The following PFKFB2 variants were observed in gnomAD, a reference collection of about 807,000 sequenced individuals.
PFKFB2 encodes 6-phosphofructo-2-kinase/fructose-2,6-biphosphatase 2.
In PFKFB2, 53 loss-of-function variants were observed where a neutral mutation model predicts 68.0. That is an observed-to-expected ratio of 0.78 (90% CI 0.63 to 0.98). The LOEUF is 0.98. PFKFB2 is among the 50% of genes least tolerant of loss of function. The pLI, the probability that PFKFB2 is intolerant of heterozygous loss-of-function variation, is 0.00. For missense variants in PFKFB2, 451 were observed against 642.0 expected, an observed-to-expected ratio of 0.70 and a Z score of 3.22; for synonymous variants, 222 against 227.6, an observed-to-expected ratio of 0.98 and a Z score of 0.22.
upstream of PFKFB2, chr1:207,050,649 C>T (rs202149100): frequency 1.5e-4 from 247 of 1,606,506 alleles, no homozygotes; most frequent in African/African-American, 3.1e-3. Flanking sequence ...CCTCTCCATC[C>T]TCCCGGGACT....
At chr1:207,040,322 T>C (rs953702074) in intron 1 of PFKFB2, among the ~76,000 whole-genome samples, 3 of 152,210 alleles carry the variant, frequency 2.0e-5, no homozygotes, top group African/African-American at 7.2e-5. Context: ...GCCAAGTCAT[T>C]ATGACATCTG....
chr1:207,052,462 G>C, upstream of PFKFB2: 1 of 453,702 alleles, frequency 2.2e-6, no homozygotes, highest in South Asian at 2.5e-5. Context: ...AGAAGTTCGA[G>C]ACCAGCCTCA....
At position 207,067,527 on chromosome 1, in the gene PFKFB2, G is replaced by A. The variant is rs779669819; in HGVS notation, c.661G>A (p.Val221Met). Reference protein sequence around the residue: ...KDLSFIKVINVGQRFLVNRVQ... With the variant: ...KDLSFIKVINMGQRFLVNRVQ... ...TCTTTCTTTCATCAAGGTGATAAAC[G>A]TGGGCCAGCGATTTTTAGTCAACAG... is the stretch of plus-strand genomic sequence containing the variant. Residue 221 changes from valine (V) to methionine (M), a missense_variant, in exon 9 of 15, where the codon GTG (valine) becomes ATG (methionine). Val to Met is a conservative substitution (Grantham distance 21). Coordinates refer to ENST00000367080, the MANE Select transcript of PFKFB2 (RefSeq NM_006212.2). 7 of 1,613,142 alleles carry A rather than the reference G, an allele frequency of 4.3e-6. No homozygotes were observed. Among genetic ancestry groups the A allele is most frequent in the Non-Finnish European group, 3.4e-6 (4 of 1,179,602 alleles).
In PFKFB2 at chr1:207,075,671, C is replaced by T. The variant is rs1024380456; in HGVS notation, c.*3300C>T. 2.2e-5 allele frequency: 21 copies of T among 972,806 alleles called. No homozygotes were observed. The African/African-American group carries it at 3.5e-4, about 16-fold the overall frequency. The allele number at this position is 972,806 out of a possible 1,614,324, so 60.3% of individuals were successfully genotyped here. A position where few individuals can be genotyped will look rare whatever the true frequency, so the allele number is the denominator to read the frequency against. On this transcript the variant is annotated 3_prime_UTR_variant, in exon 15 of 15. Coordinates refer to ENST00000367080, the MANE Select transcript of PFKFB2 (RefSeq NM_006212.2). ...GGTTGCTGTGGCTTATACCTGTAGT[C>T]CCAGATACTTGGGAGGCTGAGGCAG...
Position 207,070,342 on chromosome 1 carries a change from T to C in PFKFB2, c.1155T>C (p.Asn385=), listed in dbSNP as rs757384678. The C allele has an allele frequency of 1.2e-5, 19 of 1,613,838 alleles. No homozygotes were observed. The highest frequency in any genetic ancestry group is 1.6e-5 in the Non-Finnish European group (19 of 1,179,994). The change falls in exon 12 of 15, where the codon AAT becomes AAC. Residue 385 remains asparagine, a synonymous_variant. Transcript: ENST00000367080. This position sits in a 1 kb window ranked among gnomAD's most constrained non-coding sequence, Gnocchi z 4.2. The part of the protein sequence containing the change: ...PVIMELERQG[N]VLVISHQAVM... Reference sequence around the variant, plus strand: ...TCATGGAGCTGGAACGTCAGGGCAATGTCCTCGTCATCTCCCACCAGGCTG... The same window carrying C: ...TCATGGAGCTGGAACGTCAGGGCAACGTCCTCGTCATCTCCCACCAGGCTG...
rs1343055018 is a variant in PFKFB2 at position 207,076,248 on chromosome 1, T to C, written c.*3877T>C. 1.0e-6 allele frequency: 1 copy of C among 976,516 alleles called. No individual in the cohort carries two copies. The highest frequency in any genetic ancestry group is 1.2e-6 in the Non-Finnish European group (1 of 822,380). The allele number at this position is 976,516 out of a possible 1,614,324, so 60.5% of individuals were successfully genotyped here. ...AATAAATTCATCTATGTTACTTTTTTTTTCTTTTTTTTTTTTTTTTATGAG... is the reference window on the plus strand; with the variant it reads ...AATAAATTCATCTATGTTACTTTTTCTTTCTTTTTTTTTTTTTTTTATGAG... On this transcript the variant is annotated 3_prime_UTR_variant, in exon 15 of 15. Transcript: ENST00000367080.
At chr1:207,071,594 A>AAC in intron 14 of PFKFB2, 21 bp downstream of exon 14, 1 of 1,586,242 alleles carries the variant, frequency 6.3e-7, no homozygotes, top group South Asian at 1.1e-5. Context: ...TCCCACGATG[A>AAC]ACACACCAGT....
In PFKFB2 at chr1:207,072,604, G is replaced by T. The variant is rs184432317; in HGVS notation, c.*233G>T. The T allele has an allele frequency of 6.8e-5, 90 of 1,323,746 alleles. No individual in the cohort carries two copies. The East Asian group carries it at 2.3e-3, about 34-fold the overall frequency. 82.0% of individuals were successfully genotyped at this position (1,323,746 alleles called of 1,614,324 possible). On this transcript the variant is annotated 3_prime_UTR_variant, in exon 15 of 15. Coordinates refer to ENST00000367080, the MANE Select transcript of PFKFB2 (RefSeq NM_006212.2). The stretch of plus-strand genomic sequence containing the variant: ...ACCCAGGGGCAAGTTAGCAAATTGA[G>T]TCTTTTAGGACAGATTCTCAGATGG...
At chr1:207,050,145 T>C (rs774421351), upstream of PFKFB2, among the ~76,000 whole-genome samples, 23 of 152,344 alleles carry the variant, frequency 1.5e-4, no homozygotes, top group Non-Finnish European at 2.2e-4. Flanking sequence ...AGCTTTTAAT[T>C]ATAAACACTG....
In PFKFB2 at chr1:207,063,523, T is replaced by TA; in HGVS notation, c.450+103dup. 1 of 814,462 alleles carries TA rather than the reference T, an allele frequency of 1.2e-6. No homozygotes were observed. The highest frequency in any genetic ancestry group is 2.1e-6 in the Non-Finnish European group (1 of 473,582). 50.5% of individuals were successfully genotyped at this position (814,462 alleles called of 1,614,324 possible). A position where few individuals can be genotyped will look rare whatever the true frequency, so the allele number is the denominator to read the frequency against. ...TCTAGTGGGTGAGGACAGGATGGGATATCTGAATCTCTTCTCTCAGAGCAT... is the reference window on the plus strand; with the variant it reads ...TCTAGTGGGTGAGGACAGGATGGGATAATCTGAATCTCTTCTCTCAGAGCAT... On this transcript the variant is annotated intron_variant, in intron 6 of 14. Transcript: ENST00000367080. This position sits in a 1 kb window ranked among gnomAD's most constrained non-coding sequence, Gnocchi z 4.1.
At position 207,072,554 on chromosome 1, in the gene PFKFB2, G is replaced by A. The variant is rs1346235661; in HGVS notation, c.*183G>A. 12 of 1,346,920 alleles carry A rather than the reference G, an allele frequency of 8.9e-6. No individual in the cohort carries two copies. The highest frequency in any genetic ancestry group is 1.1e-5 in the Non-Finnish European group (12 of 1,050,790). The allele number at this position is 1,346,920 out of a possible 1,614,324, so 83.4% of individuals were successfully genotyped here. On this transcript the variant is annotated 3_prime_UTR_variant, in exon 15 of 15. Transcript: ENST00000367080. ...ATGTGTTTATAGGACAACTTAAGCT[G>A]TTCTTCAGTTTGAAACATCTTTTCA... is the stretch of plus-strand genomic sequence containing the variant.
Position 207,076,565 on chromosome 1 carries a change from G to T in PFKFB2, c.*4194G>T. 1.0e-6 allele frequency: 1 copy of T among 969,990 alleles called. No homozygotes were observed. Among genetic ancestry groups the T allele is most frequent in the South Asian group, 4.9e-5 (1 of 20,568 alleles). 60.1% of individuals were successfully genotyped at this position (969,990 alleles called of 1,614,324 possible). On this transcript the variant is annotated 3_prime_UTR_variant, in exon 15 of 15. Transcript: ENST00000367080. Reference sequence around the variant, plus strand: ...AAGGTGACACAGATGTCAGAATTGTGTCCAGGGATTTAATTTAGACCCATA... The same window carrying T: ...AAGGTGACACAGATGTCAGAATTGTTTCCAGGGATTTAATTTAGACCCATA...
Position 207,054,821 on chromosome 1 carries a change from G to C in PFKFB2, c.85+19G>C. 2.6e-6 allele frequency: 4 copies of C among 1,533,468 alleles called. No homozygotes were observed. Among genetic ancestry groups the C allele is most frequent in the Non-Finnish European group, 3.6e-6 (4 of 1,108,288 alleles). The allele number at this position is 1,533,468 out of a possible 1,614,324, so 95.0% of individuals were successfully genotyped here. A position where few individuals can be genotyped will look rare whatever the true frequency, so the allele number is the denominator to read the frequency against. On this transcript the variant is annotated intron_variant, in intron 2 of 14. Coordinates refer to ENST00000367080, the MANE Select transcript of PFKFB2 (RefSeq NM_006212.2). ...AAATGTTGTGAGTTCTGGCAGAGAG[G>C]AGGGACTGCTCTCTCTCAGCATTTT... is the stretch of plus-strand genomic sequence containing the variant.
In PFKFB2 at chr1:207,076,501, C is replaced by T. The variant is rs1034814089; in HGVS notation, c.*4130C>T. On this transcript the variant is annotated 3_prime_UTR_variant, in exon 15 of 15. Transcript: ENST00000367080. ...TATTGAAAATATGTAACAACTGAGT[C>T]GGGTTGCAGCACTGGTGGGGTAGAA... is the stretch of plus-strand genomic sequence containing the variant. 1.5e-5 allele frequency: 15 copies of T among 985,138 alleles called. No individual in the cohort carries two copies. Among genetic ancestry groups the T allele is most frequent in the South Asian group, 4.7e-5 (1 of 21,288 alleles). 61.0% of individuals were successfully genotyped at this position (985,138 alleles called of 1,614,324 possible). A position where few individuals can be genotyped will look rare whatever the true frequency, so the allele number is the denominator to read the frequency against.
At chr1:207,061,295 G>C (rs1276923277) in intron 2 of PFKFB2, among the ~76,000 whole-genome samples, 1 of 147,662 alleles carries the variant, frequency 6.8e-6, no homozygotes, top group Non-Finnish European at 1.5e-5. Flanking sequence ...AAATTGATGG[G>C]ATTACAGGCA....
chr1:207,079,468 A>G (rs1683709897), downstream of PFKFB2: 1 of 164,530 alleles, frequency 6.1e-6, no homozygotes, highest in African/African-American at 2.4e-5. Flanking sequence ...AGTCTAATAT[A>G]CTTATGCTAG....
In PFKFB2 at chr1:207,076,639, A is replaced by T; in HGVS notation, c.*4268A>T. 1.0e-6 allele frequency: 1 copy of T among 984,976 alleles called. No individual in the cohort carries two copies. The highest frequency in any genetic ancestry group is 1.2e-6 in the Non-Finnish European group (1 of 829,560). The allele number at this position is 984,976 out of a possible 1,614,324, so 61.0% of individuals were successfully genotyped here. On this transcript the variant is annotated 3_prime_UTR_variant, in exon 15 of 15. Coordinates refer to ENST00000367080, the MANE Select transcript of PFKFB2 (RefSeq NM_006212.2). The stretch of plus-strand genomic sequence containing the variant: ...TGGATCTCTGTGCTGACTGACTGAC[A>T]GACAGACTTTAGTGTCTGTGTGCTG...
At chr1:207,080,409 G>T (rs1683733027), downstream of PFKFB2, 1 of 152,162 alleles carries the variant, frequency 6.6e-6, no homozygotes, top group African/African-American at 2.4e-5. Context: ...GTGATAAGCT[G>T]GGCTGCAGGC....
intron 2 of PFKFB2, among the ~76,000 whole-genome samples, chr1:207,055,524 T>C (rs533104058): frequency 6.6e-6 from 1 of 152,130 alleles, no homozygotes; most frequent in Admixed American, 6.5e-5. Flanking sequence ...CCAAAAGATC[T>C]GGGACTCTGT....
Sources: allele counts gnomAD v4.1 joint callset (sites outside exome capture counted in the v4.1 genomes callset), GRCh38; gene constraint gnomAD v4.1.1; non-coding constraint Gnocchi (gnomAD v3.1); transcripts MANE v1.5; gene names NCBI Gene and HGNC (gene_info 2026-07-23, HGNC 2026-07-21).